RPTOR: variants seen among roughly 807,000 people sequenced by gnomAD.
RPTOR encodes the protein regulatory associated protein of MTOR complex 1.
A neutral mutation model predicts 169.9 loss-of-function variants in RPTOR; 21 were observed. The ratio of observed to expected loss-of-function variants is 0.12; its 90% CI spans 0.09 to 0.18. The LOEUF (loss-of-function observed/expected upper bound fraction) is 0.18, where lower values mean the gene tolerates loss of function less well. Among genes scored for constraint, RPTOR ranks in the 10% least tolerant of loss-of-function variants. The probability of loss-of-function intolerance (pLI) is 1.00; values close to 1 mark genes in which losing one functional copy is unlikely to be tolerated. For missense variants in RPTOR, 1,133 were observed against 1,855.9 expected (o/e 0.61, Z 7.16); for synonymous variants, 732 against 753.2 (o/e 0.97, Z 0.46).
rs995293848 is a variant in RPTOR, at chr17:80,726,684, G to A, written c.508-3876G>A. On this transcript the variant is annotated intron_variant, in intron 4 of 33. Coordinates refer to ENST00000306801, the MANE Select transcript of RPTOR (RefSeq NM_020761.3). The surrounding 1 kb of genome is among the most constrained non-coding windows in gnomAD (Gnocchi z 4.5). ...GTGGCGCAGAGGACGTTGTGAGGTG[G>A]CTGTAGGGTCAGGTGGCTGTAGGGT... Among the ~76,000 whole-genome samples the A allele has an allele frequency of 6.6e-6, 1 of 152,132 alleles. No individual in the cohort carries two copies.
At chr17:80,650,419 G>A (rs908040561) in intron 3 of RPTOR, among the ~76,000 whole-genome samples, 2 of 152,196 alleles carry the variant, frequency 1.3e-5, no homozygotes. Context: ...TGGGCTCACC[G>A]CTCCTTCCCT....
chr17:80,837,826 G>A (rs2067581654), intron 9 of RPTOR, 96 bp from the exon 10 acceptor site: 2 of 1,182,806 alleles, frequency 1.7e-6, no homozygotes. Flanking sequence ...GACCCTTGCT[G>A]CCCAGGCTCA....
rs559216888 is a variant in RPTOR at position 80,633,601 on chromosome 17, A to G, written c.265+7808A>G. On this transcript the variant is annotated intron_variant, in intron 2 of 33. Coordinates refer to ENST00000306801, the MANE Select transcript of RPTOR (RefSeq NM_020761.3). This position sits in a 1 kb window ranked among gnomAD's most constrained non-coding sequence, Gnocchi z 4.1. ...ACCAGGTGATGCGGGGCTGTGATCT[A>G]TCCATTACTGGTCATGCAGATCTTC... is the stretch of plus-strand genomic sequence containing the variant. 2.0e-5 allele frequency among the ~76,000 whole-genome samples: 3 copies of G among 152,328 alleles called. No homozygotes were observed. Among genetic ancestry groups the G allele is most frequent in the East Asian group, 1.9e-4 (1 of 5,184 alleles).
At chr17:80,779,018 C>G (rs575914253) in intron 6 of RPTOR, among the ~76,000 whole-genome samples, 1 of 152,260 alleles carries the variant, frequency 6.6e-6, no homozygotes, top group South Asian at 2.1e-4. Flanking sequence ...AGCACAAAAC[C>G]AAGACATACA....
chr17:80,962,697 CT>C, intron 32 of RPTOR, 120 bp downstream of exon 32: 1 of 1,097,464 alleles, frequency 9.1e-7, no homozygotes, highest in South Asian at 1.5e-5. Context: ...GATTTCACTG[CT>C]GTGGGGACAT....
chr17:80,923,709 G>C lies in RPTOR; in HGVS notation c.2808+36G>C, dbSNP rs764555522. 3.9e-6 allele frequency: 6 copies of C among 1,526,208 alleles called. No homozygotes were observed. The Admixed American group carries it at 1.2e-4, about 30-fold the overall frequency. 94.5% of individuals were successfully genotyped at this position (1,526,208 alleles called of 1,614,324 possible). ...CCGGCTGCCTGGTGATCTGGACACT[G>C]AGAGCGTTGCTTCTCAGATGGGGGC... On this transcript the variant is annotated intron_variant, in intron 23 of 33. Coordinates refer to ENST00000306801, the MANE Select transcript of RPTOR (RefSeq NM_020761.3).
At position 80,823,355 on chromosome 17, in the gene RPTOR, G is replaced by T; in HGVS notation, c.1136+132G>T. The T allele has an allele frequency of 4.1e-6, 4 of 971,310 alleles. No homozygotes were observed. The highest frequency in any genetic ancestry group is 4.1e-6 in the Non-Finnish European group (3 of 724,796). 60.2% of individuals were successfully genotyped at this position (971,310 alleles called of 1,614,324 possible). On this transcript the variant is annotated intron_variant, in intron 9 of 33. Coordinates refer to ENST00000306801, the MANE Select transcript of RPTOR (RefSeq NM_020761.3). The surrounding 1 kb of genome is among the most constrained non-coding windows in gnomAD (Gnocchi z 4.5). The stretch of plus-strand genomic sequence containing the variant: ...GGGACCCCGTGTAGCATTAACAAGT[G>T]AAGCTAAATGCAGGGCTCCCAGAGA...
At chr17:80,865,312 G>A (rs533332517) in intron 13 of RPTOR, among the ~76,000 whole-genome samples, 17 of 152,326 alleles carry the variant, frequency 1.1e-4, no homozygotes, top group Non-Finnish European at 1.6e-4. Context: ...AATCCTGCCC[G>A]TCACTGCAGT....
At chr17:80,759,282 G>A (rs2066711470) in intron 6 of RPTOR, among the ~76,000 whole-genome samples, 3 of 152,184 alleles carry the variant, frequency 2.0e-5, no homozygotes. Context: ...AGTAGGGAAT[G>A]TGCTTTCTCT....
chr17:80,873,931 C>T (rs1296022331), intron 13 of RPTOR, among the ~76,000 whole-genome samples: 2 of 152,142 alleles, frequency 1.3e-5, no homozygotes, highest in African/African-American at 4.8e-5. Flanking sequence ...GAGATACAGA[C>T]ATGTGGACCC....
rs765839062 is a variant in RPTOR, at chr17:80,625,764, C to T, written c.236C>T (p.Thr79Met). The change falls in exon 2 of 34, where the codon ACG becomes ATG. Residue 79 changes from threonine to methionine, a missense_variant. By Grantham distance (81) the Thr-to-Met change is moderately conservative. Around this residue, in one of 9 missense-constraint regions of RPTOR, gnomAD observed 74 missense variants for 168.3 expected, o/e 0.44. Coordinates refer to ENST00000306801, the MANE Select transcript of RPTOR (RefSeq NM_020761.3). ...GVDPPDVVKTTPCARLECWID... is the reference protein window; with the variant it reads ...GVDPPDVVKTMPCARLECWID... ...GACCCTCCCGATGTGGTGAAGACCA[C>T]GCCCTGTGCACGCTTGGAATGCTGG... is the stretch of plus-strand genomic sequence containing the variant. The T allele has an allele frequency of 6.2e-6, 10 of 1,612,428 alleles. No individual in the cohort carries two copies. The highest frequency in any genetic ancestry group is 4.4e-5 in the South Asian group (4 of 91,028).
intron 6 of RPTOR, among the ~76,000 whole-genome samples, chr17:80,770,126 C>T (rs950333676): frequency 1.3e-5 from 2 of 152,234 alleles, no homozygotes; most frequent in African/African-American, 4.8e-5. Context: ...TTCGAGGTGG[C>T]GTCTTTTCCC....
intron 21 of RPTOR, among the ~76,000 whole-genome samples, chr17:80,920,949 A>G (rs563096961): frequency 3.0e-4 from 46 of 152,388 alleles, no homozygotes; most frequent in African/African-American, 9.1e-4. Flanking sequence ...ATACCAAAAC[A>G]AAACAAGCTC....
chr17:80,589,038 A>G (rs1001451406), intron 1 of RPTOR, among the ~76,000 whole-genome samples: 5 of 152,208 alleles, frequency 3.3e-5, no homozygotes, highest in African/African-American at 1.2e-4. Context: ...TTTTACATTT[A>G]GGTCCCTAAC....
At chr17:80,927,077 G>C (rs905598767) in intron 24 of RPTOR, among the ~76,000 whole-genome samples, 19 of 152,196 alleles carry the variant, frequency 1.2e-4, no homozygotes, top group African/African-American at 4.3e-4. Flanking sequence ...CTTCTGGTTA[G>C]GAAAGGAAAG....
chr17:80,841,727 A>G (rs181547485), intron 10 of RPTOR, among the ~76,000 whole-genome samples: 1,599 of 73,212 alleles, frequency 0.022, 37 homozygotes, highest in Middle Eastern at 0.037. Context: ...CACTCTCACC[A>G]CACCGCAGCT....
chr17:80,656,129 A>G (rs2065677736), intron 3 of RPTOR, among the ~76,000 whole-genome samples: 1 of 152,094 alleles, frequency 6.6e-6, no homozygotes, highest in African/African-American at 2.4e-5. Context: ...GGGGTGCAGT[A>G]GCGCAATCTC....
At chr17:80,768,153 C>T (rs1374342107) in intron 6 of RPTOR, among the ~76,000 whole-genome samples, 5 of 152,196 alleles carry the variant, frequency 3.3e-5, no homozygotes, top group East Asian at 3.8e-4. Flanking sequence ...TGAGCCACCG[C>T]GCCTGACCAC....
intron 3 of RPTOR, among the ~76,000 whole-genome samples, chr17:80,691,331 ATGTGTGTGGTGTGG>A (rs1393890440): frequency 1.5e-3 from 159 of 109,312 alleles, no homozygotes; most frequent in African/African-American, 8.8e-3. Flanking sequence ...ATGCATAGGT[ATGTGTGTGGTGTGG>A]TGTGTGTGGC....
Sources: allele counts gnomAD v4.1 joint callset (sites outside exome capture counted in the v4.1 genomes callset), GRCh38; gene constraint gnomAD v4.1.1; regional missense constraint gnomAD v4.1.1; non-coding constraint Gnocchi (gnomAD v3.1); transcripts MANE v1.5; gene names NCBI Gene and HGNC (gene_info 2026-07-23, HGNC 2026-07-21).